The following TRAM1 variants were observed in gnomAD, a reference collection of about 807,000 sequenced individuals.
TRAM1 encodes the protein translocation associated membrane protein 1.
A neutral mutation model predicts 48.7 loss-of-function variants in TRAM1; 17 were observed. The ratio of observed to expected loss-of-function variants is 0.35; its 90% CI spans 0.24 to 0.52. The LOEUF (loss-of-function observed/expected upper bound fraction) is 0.52, where lower values mean the gene tolerates loss of function less well. TRAM1 is among the 20% of genes least tolerant of loss of function. TRAM1 has a pLI of 0.94. For synonymous variants in TRAM1, 182 were observed against 154.0 expected (o/e 1.18, Z -1.34); for missense variants, 351 against 441.5 (o/e 0.79, Z 1.84).
Position 70,575,033 on chromosome 8 carries a change from T to A in TRAM1, c.1052-28A>T, listed in dbSNP as rs201797449. 2.3e-5 allele frequency: 35 copies of A among 1,505,456 alleles called. No individual in the cohort carries two copies. The East Asian group carries it at 6.8e-4, about 29-fold the overall frequency. 93.3% of individuals were successfully genotyped at this position (1,505,456 alleles called of 1,614,324 possible). On this transcript the variant is annotated intron_variant, in intron 10 of 10. Transcript: ENST00000262213. ...GCAAAAAGAAAAGAATCCATGTTACTCTCTTTTATAAATAAATGCAAGTTA... is the reference window on the plus strand; with the variant it reads ...GCAAAAAGAAAAGAATCCATGTTACACTCTTTTATAAATAAATGCAAGTTA...
chr8:70,599,110 T>C (rs528223169), intron 2 of TRAM1, among the ~76,000 whole-genome samples: 1 of 152,114 alleles, frequency 6.6e-6, no homozygotes, highest in Non-Finnish European at 1.5e-5. Flanking sequence ...ATTGAAAAAT[T>C]AGCTGGGCGT....
intron 1 of TRAM1, chr8:70,607,419 TA>T: frequency 1.0e-6 from 1 of 985,462 alleles, no homozygotes; most frequent in Non-Finnish European, 1.2e-6. Flanking sequence ...AATATCAGTT[TA>T]AAAGACAAAA....
chr8:70,603,880 G>A (rs1236036206), intron 1 of TRAM1, among the ~76,000 whole-genome samples: 1 of 152,156 alleles, frequency 6.6e-6, no homozygotes, highest in African/African-American at 2.4e-5. Flanking sequence ...AGAAGAAGAA[G>A]AGGAAAAATG....
At chr8:70,589,116 C>T (rs758925841) in intron 6 of TRAM1, among the ~76,000 whole-genome samples, 9 of 152,164 alleles carry the variant, frequency 5.9e-5, no homozygotes, top group Admixed American at 1.3e-4. Context: ...GTAAGCATGG[C>T]GCAAAGATCA....
rs745848560 is a variant in TRAM1, at chr8:70,608,176, G to A, written c.24C>T (p.Thr8=). 3 of 1,589,986 alleles carry A rather than the reference G, an allele frequency of 1.9e-6. No homozygotes were observed. The highest frequency in any genetic ancestry group is 2.6e-6 in the Non-Finnish European group (3 of 1,169,832). Residue 8 remains threonine (T), a synonymous_variant, in exon 1 of 11, where the codon ACC becomes ACT. Coordinates refer to ENST00000262213, the MANE Select transcript of TRAM1 (RefSeq NM_014294.6). ...CGTGGCTCAGCACTGGGGGGCTCTT[G>A]GTGCTTTTCTTGCGAATCGCCATGG... is the stretch of plus-strand genomic sequence containing the variant. MAIRKKS[T]KSPPVLSHEF... is the part of the protein sequence containing the mutation.
At position 70,600,834 on chromosome 8, in the gene TRAM1, GT is replaced by G. The variant is rs1362106521; in HGVS notation, c.124-753del. ...GGGTGGAATGAAATGAAGGAGCTGT[GT>G]TTTGCTGGAAAATAGGTGTTCCCTA... On this transcript the variant is annotated intron_variant, in intron 1 of 10. Coordinates refer to ENST00000262213, the MANE Select transcript of TRAM1 (RefSeq NM_014294.6). 2.0e-5 allele frequency among the ~76,000 whole-genome samples: 3 copies of G among 152,242 alleles called. No individual in the cohort carries two copies. The East Asian group carries it at 5.8e-4, about 29-fold the overall frequency.
intron 1 of TRAM1, among the ~76,000 whole-genome samples, chr8:70,606,175 G>A (rs1450789388): frequency 6.6e-6 from 1 of 152,146 alleles, no homozygotes; most frequent in Non-Finnish European, 1.5e-5. Context: ...AATTCAGAAA[G>A]TGAATACAAA....
rs1011695221 is a variant in TRAM1 at position 70,574,032 on chromosome 8, A to G, written c.*900T>C. The G allele has an allele frequency of 2.4e-5, 5 of 209,602 alleles. No individual in the cohort carries two copies. The highest frequency in any genetic ancestry group is 1.8e-3 in the Middle Eastern group (1 of 566). The allele number at this position is 209,602 out of a possible 1,614,324, so 13.0% of individuals were successfully genotyped here. ...AGTGCATTAAATGTTTTCCAAATAT[A>G]ATTACCTGTCAGTCTTTTTATAGAT... On this transcript the variant is annotated 3_prime_UTR_variant, in exon 11 of 11. Coordinates refer to ENST00000262213, the MANE Select transcript of TRAM1 (RefSeq NM_014294.6).
chr8:70,584,831 T>A (rs1817171939), intron 8 of TRAM1, among the ~76,000 whole-genome samples: 1 of 152,008 alleles, frequency 6.6e-6, no homozygotes, highest in Non-Finnish European at 1.5e-5. Context: ...GAAGAATCAA[T>A]ATCATGAAAA....
chr8:70,584,602 G>A (rs964750505), intron 8 of TRAM1, among the ~76,000 whole-genome samples: 4 of 152,024 alleles, frequency 2.6e-5, no homozygotes, highest in Admixed American at 6.6e-5. Flanking sequence ...ATACAAAATC[G>A]ATGTACAAAA....
intron 10 of TRAM1, among the ~76,000 whole-genome samples, chr8:70,575,995 C>T (rs778333850): frequency 8.1e-5 from 12 of 147,594 alleles, no homozygotes; most frequent in Admixed American, 2.7e-4. Context: ...CACTTGAGCC[C>T]GGGAGGCAAA....
chr8:70,582,227 G>C (rs1156256737), intron 10 of TRAM1, among the ~76,000 whole-genome samples: 1 of 151,736 alleles, frequency 6.6e-6, no homozygotes, highest in African/African-American at 2.4e-5. Flanking sequence ...TCGATCTACA[G>C]ATTTGATGTT....
At position 70,587,141 on chromosome 8, in the gene TRAM1, A is replaced by C; in HGVS notation, c.606T>G (p.Leu202=). The change falls in exon 7 of 11, where the codon CTT becomes CTG. Residue 202 remains leucine, a synonymous_variant. Transcript: ENST00000262213. ...AAGCTCCAGCAATGTGGAAGAGGTA[A>C]AGACCAATGTAGACAAGCTGACGAG... ...DIPRQLVYIG[L]YLFHIAGAYL... 6.2e-7 allele frequency: 1 copy of C among 1,613,988 alleles called. No homozygotes were observed. Among genetic ancestry groups the C allele is most frequent in the Non-Finnish European group, 8.5e-7 (1 of 1,179,922 alleles).
chr8:70,584,581 A>G (rs1032878911), intron 8 of TRAM1, among the ~76,000 whole-genome samples: 2 of 152,232 alleles, frequency 1.3e-5, no homozygotes, highest in African/African-American at 4.8e-5. Flanking sequence ...CAACTTCAGC[A>G]AAGTCTCAGG....
intron 5 of TRAM1, among the ~76,000 whole-genome samples, chr8:70,595,318 G>A (rs1370744747): frequency 6.7e-6 from 1 of 149,184 alleles, no homozygotes; most frequent in African/African-American, 2.5e-5. Flanking sequence ...TGGTCGGGGT[G>A]GAGAGAATAC....
chr8:70,601,869 A>G (rs1817613128), intron 1 of TRAM1, among the ~76,000 whole-genome samples: 1 of 152,248 alleles, frequency 6.6e-6, no homozygotes, highest in African/African-American at 2.4e-5. Context: ...TCTAGAACTC[A>G]GTAGGGAGAA....
chr8:70,580,942 A>G (rs1817061544), intron 10 of TRAM1, among the ~76,000 whole-genome samples: 2 of 152,242 alleles, frequency 1.3e-5, no homozygotes, highest in African/African-American at 2.4e-5. Flanking sequence ...TGCAAGATGT[A>G]TACACTGATA....
At position 70,597,943 on chromosome 8, in the gene TRAM1, A is replaced by G; in HGVS notation, c.378T>C (p.Ser126=). The G allele has an allele frequency of 1.2e-6, 2 of 1,603,178 alleles. No individual in the cohort carries two copies. Among genetic ancestry groups the G allele is most frequent in the East Asian group, 2.2e-5 (1 of 44,528 alleles). Residue 126 remains serine, a synonymous_variant, in exon 4 of 11, where the codon AGT becomes AGC. Coordinates refer to ENST00000262213, the MANE Select transcript of TRAM1 (RefSeq NM_014294.6). The part of the protein sequence containing the change: ...HSKFNESGQL[S]AFYLFACVWG... The stretch of plus-strand genomic sequence containing the variant: ...AAACACAGGCAAAAAGGTAGAACGC[A>G]CTAAGCTGACCAGATTCATTAAACT...
In TRAM1 at chr8:70,587,344, T is replaced by C. The variant is rs75757463; in HGVS notation, c.571-168A>G. 3.7e-4 allele frequency among the ~76,000 whole-genome samples: 56 copies of C among 152,342 alleles called. No individual in the cohort carries two copies. In the East Asian group the frequency reaches 0.011, roughly 29 times the overall value. ...TTAGGATTTCAGGCGTGACCCACTG[T>C]GCTTGGCTCATTTCTGTTCTTTAAG... On this transcript the variant is annotated intron_variant, in intron 6 of 10. Coordinates refer to ENST00000262213, the MANE Select transcript of TRAM1 (RefSeq NM_014294.6).
Sources: allele counts gnomAD v4.1 joint callset (sites outside exome capture counted in the v4.1 genomes callset), GRCh38; gene constraint gnomAD v4.1.1; transcripts MANE v1.5; gene names NCBI Gene and HGNC (gene_info 2026-07-23, HGNC 2026-07-21).